Variants in WDHD1 observed in about 807,000 individuals in gnomAD.
The protein encoded by WDHD1 is WD repeat and HMG-box DNA binding protein 1.
A neutral mutation model predicts 135.4 loss-of-function variants in WDHD1; 111 were observed. That is an observed-to-expected ratio of 0.82 (90% confidence interval 0.70 to 0.96). WDHD1 has a LOEUF of 0.96. Ranked by LOEUF, WDHD1 falls within the 40% of genes least tolerant of loss-of-function variation. The pLI, the probability that WDHD1 is intolerant of heterozygous loss-of-function variation, is 0.00. For synonymous variants in WDHD1, 434 were observed against 439.0 expected (o/e 0.99, Z 0.14); for missense variants, 1,351 against 1,336.3 (o/e 1.01, Z -0.17).
intron 16 of WDHD1, among the ~76,000 whole-genome samples, chr14:54,973,030 CAG>C (rs904723081): frequency 7.0e-5 from 9 of 127,944 alleles, no homozygotes; most frequent in Non-Finnish European, 9.6e-5. Context: ...TAATTAATCA[CAG>C]AATGATTTAT....
intron 24 of WDHD1, among the ~76,000 whole-genome samples, chr14:54,952,940 G>C (rs1363991799): frequency 6.6e-6 from 1 of 152,186 alleles, no homozygotes; most frequent in Non-Finnish European, 1.5e-5. Flanking sequence ...AGCTGAAACT[G>C]GATCCATTCC....
chr14:55,025,530 G>C (rs1362763803), intron 2 of WDHD1, among the ~76,000 whole-genome samples: 1 of 152,216 alleles, frequency 6.6e-6, no homozygotes, highest in East Asian at 1.9e-4. Context: ...TCTTCTAACA[G>C]TCTTTCTGCA....
chr14:54,939,678 G>T lies in WDHD1; in HGVS notation c.*1812C>A, dbSNP rs557718220. The stretch of plus-strand genomic sequence containing the variant: ...TTTCTTGGTTTCAAAGTTCTGATTT[G>T]TAAGTTAAACCAAGTCAATACAAAA... On this transcript the variant is annotated 3_prime_UTR_variant, in exon 26 of 26. Coordinates refer to ENST00000360586, the MANE Select transcript of WDHD1 (RefSeq NM_007086.4). 2 of 151,538 alleles carry T rather than the reference G, an allele frequency of 1.3e-5. No individual in the cohort carries two copies. The highest frequency in any genetic ancestry group is 4.2e-4 in the South Asian group (2 of 4,818). The allele number at this position is 151,538 out of a possible 1,614,324, so 9.4% of individuals were successfully genotyped here.
chr14:54,984,998 C>A, intron 14 of WDHD1, 138 bp from the exon 15 acceptor site: 1 of 1,062,034 alleles, frequency 9.4e-7, no homozygotes, highest in Admixed American at 2.9e-5. Flanking sequence ...ACCCATCCAA[C>A]TGAGGCATCA....
intron 4 of WDHD1, 77 bp downstream of exon 4, chr14:55,010,232 A>C: frequency 7.3e-7 from 1 of 1,361,352 alleles, no homozygotes. Flanking sequence ...CACGGTCCTG[A>C]AAACACTACC....
At chr14:54,969,887 G>A (rs1053219009) in intron 16 of WDHD1, among the ~76,000 whole-genome samples, 1 of 152,162 alleles carries the variant, frequency 6.6e-6, no homozygotes, top group Non-Finnish European at 1.5e-5. Flanking sequence ...ATGTAAGGTT[G>A]GTTCAACATA....
chr14:54,993,797 A>C (rs928904025), intron 11 of WDHD1, among the ~76,000 whole-genome samples: 1 of 152,060 alleles, frequency 6.6e-6, no homozygotes, highest in Non-Finnish European at 1.5e-5. Context: ...ACATGAGTTT[A>C]TTAATGTTAT....
chr14:55,005,402 A>T, intron 7 of WDHD1: 1 of 569,144 alleles, frequency 1.8e-6, no homozygotes, highest in South Asian at 1.4e-5. Context: ...AACTGGAGTG[A>T]CTCCAGTGGC....
intron 11 of WDHD1, among the ~76,000 whole-genome samples, chr14:54,992,751 C>T (rs1341992670): frequency 2.6e-5 from 4 of 151,800 alleles, no homozygotes; most frequent in East Asian, 1.9e-4. Flanking sequence ...TCCATCTCTA[C>T]AAAAAATAAA....
chr14:54,944,681 G>A (rs991095591), intron 24 of WDHD1: 16 of 313,004 alleles, frequency 5.1e-5, no homozygotes, highest in Admixed American at 2.3e-4. Context: ...GTGCAATGGC[G>A]CGATCTCAGC....
In WDHD1 at chr14:54,981,662, A is replaced by T. The variant is rs1319362296; in HGVS notation, c.1941T>A (p.Val647=). Residue 647 remains valine, a synonymous_variant, in exon 16 of 26, where the codon GTT becomes GTA. Transcript: ENST00000360586. The part of the protein sequence containing the change: ...TPCYVDSEGI[V]RMLNRGLGNT... The stretch of plus-strand genomic sequence containing the variant: ...TACCAAGTCCTCTGTTAAGCATTCG[A>T]ACAATTCCTTCTGAATCCACGTAAC... 6.2e-7 allele frequency: 1 copy of T among 1,611,624 alleles called. No homozygotes were observed. The highest frequency in any genetic ancestry group is 1.1e-5 in the South Asian group (1 of 90,876).
intron 3 of WDHD1, among the ~76,000 whole-genome samples, chr14:55,011,273 T>C (rs2042163418): frequency 6.6e-6 from 1 of 152,144 alleles, no homozygotes; most frequent in Non-Finnish European, 1.5e-5. Flanking sequence ...TTCACACCTG[T>C]AATCCCAGCA....
At chr14:55,003,058 A>G (rs2042001285) in intron 7 of WDHD1, among the ~76,000 whole-genome samples, 1 of 152,216 alleles carries the variant, frequency 6.6e-6, no homozygotes, top group African/African-American at 2.4e-5. Context: ...AAAACTGTGT[A>G]TTCTTTCCAT....
chr14:55,010,302 G>C lies in WDHD1; in HGVS notation c.341+7C>G, dbSNP rs1555372153. On this transcript the variant is annotated splice_region_variant and intron_variant, in intron 4 of 25. Transcript: ENST00000360586. The stretch of plus-strand genomic sequence containing the variant: ...TTATTTCCTTTTCTGATGTCAAAGA[G>C]CCTTACCTAGATCCAGCAGCAATTT... 6.3e-7 allele frequency: 1 copy of C among 1,591,930 alleles called. No individual in the cohort carries two copies. Among genetic ancestry groups the C allele is most frequent in the Non-Finnish European group, 8.5e-7 (1 of 1,171,106 alleles).
intron 21 of WDHD1, among the ~76,000 whole-genome samples, chr14:54,961,310 C>A (rs1016910702): frequency 2.6e-5 from 4 of 151,836 alleles, no homozygotes; most frequent in Non-Finnish European, 5.9e-5. Context: ...AGAGTGACAC[C>A]CCATCTCTAT....
At chr14:54,984,209 T>C (rs2041662131) in intron 15 of WDHD1, among the ~76,000 whole-genome samples, 1 of 152,204 alleles carries the variant, frequency 6.6e-6, no homozygotes, top group African/African-American at 2.4e-5. Flanking sequence ...TGAAGAGAGC[T>C]CTTAGCCGGG....
At chr14:55,026,845 A>G (rs2042454559) in intron 1 of WDHD1, 42 bp from the exon 2 acceptor site, 21 of 1,600,220 alleles carry the variant, frequency 1.3e-5, no homozygotes, top group South Asian at 3.3e-5. Flanking sequence ...ATTTCAAAAG[A>G]GAAAAGCAGC....
chr14:54,988,656 G>C (rs951108775), intron 13 of WDHD1, among the ~76,000 whole-genome samples: 39 of 151,504 alleles, frequency 2.6e-4, no homozygotes, highest in Admixed American at 2.6e-3. Flanking sequence ...AATTCTGGGA[G>C]GAGTTTTCAT....
At position 54,962,804 on chromosome 14, in the gene WDHD1, C is replaced by T. The variant is rs916759647; in HGVS notation, c.2581G>A (p.Val861Ile). 4 of 1,613,338 alleles carry T rather than the reference C, an allele frequency of 2.5e-6. No homozygotes were observed. The African/African-American group carries it at 4.0e-5, about 16-fold the overall frequency. The stretch of plus-strand genomic sequence containing the variant: ...CCACTGTCCTCAGCATCTTCTTCAA[C>T]TTGATTTCTGAACCTTGGTTGGCTC... ...EWSQPRFRNQVEEDAEDSGEA... is the reference protein window; with the variant it reads ...EWSQPRFRNQIEEDAEDSGEA... Residue 861 changes from valine to isoleucine, a missense_variant, in exon 20 of 26, where the codon GTT becomes ATT. Physicochemically the swap from Val to Ile is conservative, Grantham distance 29 (BLOSUM62 3). Transcript: ENST00000360586.
Sources: gnomAD v4.1 joint callset for allele counts (sites outside exome capture counted in the v4.1 genomes callset) on GRCh38, gnomAD v4.1.1 for gene constraint, MANE v1.5 for transcripts, NCBI Gene and HGNC (gene_info 2026-07-23, HGNC 2026-07-21) for gene names.